Variants in HMGCS1 observed in about 807,000 individuals in gnomAD.
HMGCS1 encodes 3-hydroxy-3-methylglutaryl-CoA synthase 1.
Under a neutral mutation model 52.3 loss-of-function variants are expected in HMGCS1, and 9 were observed. The ratio of observed to expected loss-of-function variants is 0.17; its 90% confidence interval spans 0.10 to 0.30. The LOEUF is 0.30. HMGCS1 is among the 10% of genes least tolerant of loss of function. The pLI, the probability that HMGCS1 is intolerant of heterozygous loss-of-function variation, is 1.00. For synonymous variants in HMGCS1, 176 were observed against 214.4 expected (o/e 0.82, Z 1.57); for missense variants, 320 against 620.9 (o/e 0.52, Z 5.15).
intron 4 of HMGCS1, 33 bp from the exon 5 acceptor site, chr5:43,297,199 T>G: frequency 6.4e-7 from 1 of 1,567,080 alleles, no homozygotes; most frequent in Non-Finnish European, 8.7e-7. Context: ...TGTCTATATA[T>G]TTCTGCTTCT....
At chr5:43,304,173 C>A (rs926120308) in intron 2 of HMGCS1, among the ~76,000 whole-genome samples, 5 of 152,228 alleles carry the variant, frequency 3.3e-5, no homozygotes, top group African/African-American at 1.2e-4. Context: ...CAGAAAAAGA[C>A]TAGTCCATAG....
intron 2 of HMGCS1, among the ~76,000 whole-genome samples, chr5:43,301,008 C>T (rs1159985262): frequency 6.6e-6 from 1 of 151,942 alleles, no homozygotes; most frequent in Non-Finnish European, 1.5e-5. Flanking sequence ...TAATAATAAA[C>T]AGGTAACAAC....
rs1754127139 is a variant in HMGCS1, at chr5:43,298,151, G to A, written c.449-17C>T. On this transcript the variant is annotated splice_polypyrimidine_tract_variant and intron_variant, in intron 3 of 10. Transcript: ENST00000325110. This position sits in a 1 kb window ranked among gnomAD's most constrained non-coding sequence, Gnocchi z 5.6. Reference sequence around the variant, plus strand: ...CATACCGTCCTGAAAAATATTTTTTGTTATTTCACAAGAAGGAATTCAACA... The same window carrying A: ...CATACCGTCCTGAAAAATATTTTTTATTATTTCACAAGAAGGAATTCAACA... 6.3e-7 allele frequency: 1 copy of A among 1,595,246 alleles called. No homozygotes were observed. The highest frequency in any genetic ancestry group is 2.3e-5 in the East Asian group (1 of 44,366).
chr5:43,311,509 G>A (rs571353053), intron 1 of HMGCS1, among the ~76,000 whole-genome samples: 1 of 152,166 alleles, frequency 6.6e-6, no homozygotes, highest in Non-Finnish European at 1.5e-5. Context: ...ACTAATTGGA[G>A]ATTCTGATAT....
In HMGCS1 at chr5:43,290,700, T is replaced by C. The variant is rs1753706613; in HGVS notation, c.*431A>G. The C allele has an allele frequency of 1.3e-5, 2 of 154,208 alleles. No individual in the cohort carries two copies. The highest frequency in any genetic ancestry group is 4.1e-4 in the South Asian group (2 of 4,894). 9.6% of individuals were successfully genotyped at this position (154,208 alleles called of 1,614,324 possible). ...CACATTCCCCAAGCTAGAAATGTTTTCCAAAAACCACAGGTACTTTCTGTA... is the reference window on the plus strand; with the variant it reads ...CACATTCCCCAAGCTAGAAATGTTTCCCAAAAACCACAGGTACTTTCTGTA... On this transcript the variant is annotated 3_prime_UTR_variant, in exon 11 of 11. Transcript: ENST00000325110.
intron 8 of HMGCS1, 109 bp from the exon 9 acceptor site, chr5:43,293,082 T>G: frequency 2.4e-6 from 2 of 818,258 alleles, no homozygotes; most frequent in East Asian, 5.1e-5. Context: ...TCATTTTCAT[T>G]AAAACTACTG....
intron 5 of HMGCS1, 37 bp downstream of exon 5, chr5:43,296,965 A>G (rs1754060067): frequency 2.5e-6 from 4 of 1,593,386 alleles, no homozygotes; most frequent in Non-Finnish European, 3.4e-6. Flanking sequence ...ACTGCTCTCA[A>G]CTCATACCAA....
In HMGCS1 at chr5:43,311,264, G is replaced by A. The variant is rs1014097720; in HGVS notation, c.-70+2092C>T. On this transcript the variant is annotated intron_variant, in intron 1 of 10. Coordinates refer to ENST00000325110, the MANE Select transcript of HMGCS1 (RefSeq NM_001098272.3). Reference sequence around the variant, plus strand: ...ATCACTGGGAGGCATAAGTTGCAGTGAGCCGAGATCACGCTGCTGCACTCC... The same window carrying A: ...ATCACTGGGAGGCATAAGTTGCAGTAAGCCGAGATCACGCTGCTGCACTCC... 5.4e-5 allele frequency among the ~76,000 whole-genome samples: 8 copies of A among 148,948 alleles called. No individual in the cohort carries two copies. In the South Asian group the frequency reaches 1.7e-3, roughly 32 times the overall value.
chr5:43,297,216 C>T (rs1754075177), intron 4 of HMGCS1, 50 bp from the exon 5 acceptor site: 2 of 1,460,282 alleles, frequency 1.4e-6, no homozygotes, highest in East Asian at 2.3e-5. Flanking sequence ...TTCTTGATGT[C>T]TGTATGTTAA....
At chr5:43,296,791 G>A (rs879494704) in intron 5 of HMGCS1, among the ~76,000 whole-genome samples, 1 of 152,094 alleles carries the variant, frequency 6.6e-6, no homozygotes, top group Admixed American at 6.5e-5. Flanking sequence ...AAATATTTTT[G>A]CAGAGATACA....
At chr5:43,311,184 G>C (rs1360367485) in intron 1 of HMGCS1, among the ~76,000 whole-genome samples, 2 of 152,036 alleles carry the variant, frequency 1.3e-5, no homozygotes. Context: ...AAAATTAGCT[G>C]GGTGTGGTGG....
chr5:43,294,448 C>T (rs1753932746), intron 7 of HMGCS1: 1 of 493,456 alleles, frequency 2.0e-6, no homozygotes, highest in Admixed American at 3.7e-5. Context: ...AACTGTAGGT[C>T]AAGAATTAAA....
Position 43,290,874 on chromosome 5 carries a change from T to C in HMGCS1, c.*257A>G, listed in dbSNP as rs1753726545. 5.2e-6 allele frequency: 2 copies of C among 382,912 alleles called. No individual in the cohort carries two copies. The highest frequency in any genetic ancestry group is 4.0e-5 in the Admixed American group (1 of 25,196). The allele number at this position is 382,912 out of a possible 1,614,324, so 23.7% of individuals were successfully genotyped here. ...ATGCATACAAATGGCCAAAGAGGTATGAAGTTTTACAGAGCCCTTAACATC... is the reference window on the plus strand; with the variant it reads ...ATGCATACAAATGGCCAAAGAGGTACGAAGTTTTACAGAGCCCTTAACATC... On this transcript the variant is annotated 3_prime_UTR_variant, in exon 11 of 11. Transcript: ENST00000325110.
rs1753853654 is a variant in HMGCS1, at chr5:43,292,984, G to C, written c.1184-11C>G. 6.4e-7 allele frequency: 1 copy of C among 1,566,240 alleles called. No individual in the cohort carries two copies. The highest frequency in any genetic ancestry group is 1.4e-5 in the African/African-American group (1 of 71,806). ...TATCAAGAGCAGACCCTAAAATAGT[G>C]AATAATTCAACATTAAAAGATTTTT... On this transcript the variant is annotated splice_polypyrimidine_tract_variant and intron_variant, in intron 8 of 10. Coordinates refer to ENST00000325110, the MANE Select transcript of HMGCS1 (RefSeq NM_001098272.3).
chr5:43,304,654 C>T (rs115721258), intron 2 of HMGCS1, among the ~76,000 whole-genome samples: 171 of 152,282 alleles, frequency 1.1e-3, no homozygotes, highest in African/African-American at 3.6e-3. Flanking sequence ...ACATTAAATA[C>T]ATGACATGTT....
At position 43,288,719 on chromosome 5, in the gene HMGCS1, C is replaced by T. The variant is rs1226361059; in HGVS notation, c.*2412G>A. The T allele has an allele frequency of 1.3e-5, 2 of 152,082 alleles. No homozygotes were observed. Among genetic ancestry groups the T allele is most frequent in the Non-Finnish European group, 2.9e-5 (2 of 68,004 alleles). 9.4% of individuals were successfully genotyped at this position (152,082 alleles called of 1,614,324 possible). ...CAGAAGTGACCTTAGAGAACGCTAG[C>T]CTCTAAATGACCCAGAAAGTAAATT... On this transcript the variant is annotated 3_prime_UTR_variant, in exon 11 of 11. Transcript: ENST00000325110.
chr5:43,311,909 C>G (rs918939606), intron 1 of HMGCS1, among the ~76,000 whole-genome samples: 2 of 152,124 alleles, frequency 1.3e-5, no homozygotes, highest in African/African-American at 4.8e-5. Flanking sequence ...AAAGTAGAAC[C>G]GAATAAAGGG....
rs1753733248 is a variant in HMGCS1, at chr5:43,291,017, T to G, written c.*114A>C. On this transcript the variant is annotated 3_prime_UTR_variant, in exon 11 of 11. Transcript: ENST00000325110. ...GGCTCCATGTCAGTCACATAAAAAT[T>G]TACATAACATGTAATCCTTTAAAAT... 1 of 669,290 alleles carries G rather than the reference T, an allele frequency of 1.5e-6. No individual in the cohort carries two copies. Among genetic ancestry groups the G allele is most frequent in the Non-Finnish European group, 2.7e-6 (1 of 371,702 alleles). The allele number at this position is 669,290 out of a possible 1,614,324, so 41.5% of individuals were successfully genotyped here.
intron 2 of HMGCS1, among the ~76,000 whole-genome samples, chr5:43,299,596 G>A (rs1452814216): frequency 1.3e-5 from 2 of 151,724 alleles, no homozygotes; most frequent in African/African-American, 4.8e-5. Context: ...CTTGCAGTGA[G>A]CAGAGATCAT....
Sources: allele counts gnomAD v4.1 joint callset (sites outside exome capture counted in the v4.1 genomes callset), GRCh38; gene constraint gnomAD v4.1.1; non-coding constraint Gnocchi (gnomAD v3.1); transcripts MANE v1.5; gene names NCBI Gene and HGNC (gene_info 2026-07-23, HGNC 2026-07-21).